The following PRKG1 variants were observed in gnomAD, a reference collection of about 807,000 sequenced individuals.
PRKG1 encodes cGMP-dependent protein kinase 1.
PRKG1 carries 35 observed loss-of-function variants against 88.1 expected under a neutral mutation model. That is an observed-to-expected ratio of 0.40 (90% CI 0.30 to 0.53). The LOEUF is 0.53. Among genes scored for constraint, PRKG1 ranks in the 20% least tolerant of loss-of-function variants. PRKG1 has a pLI of 0.59. For synonymous variants in PRKG1, 303 were observed against 292.5 expected (o/e 1.04, Z -0.37); for missense variants, 540 against 839.8 (o/e 0.64, Z 4.41).
chr10:51,595,798 C>T (rs1192399263), intron 3 of PRKG1, among the ~76,000 whole-genome samples: 1 of 152,016 alleles, frequency 6.6e-6, no homozygotes, highest in Admixed American at 6.6e-5. Flanking sequence ...CATGGTAATA[C>T]ATACTTTTAC....
At chr10:51,792,974 T>C (rs1838907186) in intron 3 of PRKG1, among the ~76,000 whole-genome samples, 1 of 151,860 alleles carries the variant, frequency 6.6e-6, no homozygotes, top group African/African-American at 2.4e-5. Context: ...TCTTCTAATG[T>C]CCAGACATTG....
At position 51,507,651 on chromosome 10, in the gene PRKG1, A is replaced by AT. The variant is rs1191422577; in HGVS notation, c.592+39816dup. ...TAAGGAGGTAATCCTTCTGCGGGTC[A>AT]TGAGTGACCTGGTTGAGAGAAAAGA... On this transcript the variant is annotated intron_variant, in intron 3 of 17. Coordinates refer to ENST00000373980, the MANE Select transcript of PRKG1 (RefSeq NM_006258.4). Among the ~76,000 whole-genome samples, 22 of 152,250 alleles carry AT rather than the reference A, an allele frequency of 1.4e-4. No homozygotes were observed. The South Asian group carries it at 4.6e-3, about 32-fold the overall frequency.
chr10:51,933,997 T>C (rs1842750352), intron 5 of PRKG1, among the ~76,000 whole-genome samples: 1 of 152,108 alleles, frequency 6.6e-6, no homozygotes, highest in African/African-American at 2.4e-5. Context: ...TTGTTTTGAG[T>C]GAGCAGATTA....
chr10:51,733,938 GA>G (rs1297338242), intron 3 of PRKG1, among the ~76,000 whole-genome samples: 1 of 151,916 alleles, frequency 6.6e-6, no homozygotes, highest in Admixed American at 6.6e-5. Context: ...TTATTATTAG[GA>G]AAAAACTCCA....
intron 8 of PRKG1, among the ~76,000 whole-genome samples, chr10:52,154,600 T>C (rs1312982944): frequency 6.6e-6 from 1 of 152,192 alleles, no homozygotes; most frequent in Non-Finnish European, 1.5e-5. Context: ...AAACACTTCT[T>C]TTTAAAACAG....
chr10:52,037,801 C>T (rs1238558987), intron 5 of PRKG1, among the ~76,000 whole-genome samples: 1 of 151,906 alleles, frequency 6.6e-6, no homozygotes, highest in South Asian at 2.1e-4. Flanking sequence ...GGACCTAGCT[C>T]GGCCTGGCGA....
chr10:51,709,078 A>G (rs1175604046), intron 3 of PRKG1, among the ~76,000 whole-genome samples: 1 of 152,216 alleles, frequency 6.6e-6, no homozygotes, highest in Non-Finnish European at 1.5e-5. Flanking sequence ...CCTCTAAATC[A>G]TTCTCTCAAT....
chr10:52,046,658 G>A (rs1195265830), intron 5 of PRKG1: 1 of 152,198 alleles, frequency 6.6e-6, no homozygotes, highest in South Asian at 2.1e-4. Flanking sequence ...TCCAGAGCTG[G>A]ATTTGTAACC....
At chr10:51,895,232 G>C (rs1250739584) in intron 4 of PRKG1, among the ~76,000 whole-genome samples, 1 of 152,166 alleles carries the variant, frequency 6.6e-6, no homozygotes, top group Non-Finnish European at 1.5e-5. Context: ...TTCTTAGCAA[G>C]AGCAGGACAG....
intron 5 of PRKG1, among the ~76,000 whole-genome samples, chr10:51,948,524 CTG>C (rs376853403): frequency 0.13 from 18,929 of 149,296 alleles, 1,351 homozygotes; most frequent in East Asian, 0.33. Context: ...GTGTGTGTCT[CTG>C]TGTGTGTGTG....
chr10:51,908,734 A>ATATATATATTT (rs563212069), intron 5 of PRKG1: 26 of 52,224 alleles, frequency 5.0e-4, no homozygotes, highest in African/African-American at 7.5e-4. Flanking sequence ...TCTATATGTA[A>ATATATATATTT]TTTTTTTTTT....
At chr10:52,199,484 A>G (rs1300931379) in intron 9 of PRKG1, among the ~76,000 whole-genome samples, 2 of 152,204 alleles carry the variant, frequency 1.3e-5, no homozygotes, top group Non-Finnish European at 2.9e-5. Context: ...TACCCATGGA[A>G]TAACTGTGTT....
chr10:52,067,563 T>A (rs576658953), intron 7 of PRKG1, among the ~76,000 whole-genome samples: 52 of 152,290 alleles, frequency 3.4e-4, no homozygotes, highest in African/African-American at 1.1e-3. Context: ...TATTTTCTTG[T>A]TGGATGGAGA....
intron 2 of PRKG1, among the ~76,000 whole-genome samples, chr10:51,246,240 A>G (rs1839285793): frequency 6.6e-6 from 1 of 152,128 alleles, no homozygotes; most frequent in Admixed American, 6.6e-5. Context: ...ATCAACATTT[A>G]TAAACGAGTC....
At chr10:51,106,134 A>G (rs1844826847) in intron 1 of PRKG1, among the ~76,000 whole-genome samples, 1 of 152,210 alleles carries the variant, frequency 6.6e-6, no homozygotes, top group African/African-American at 2.4e-5. Flanking sequence ...GAAAGTTAAT[A>G]CTGAATTTTG....
At chr10:51,326,833 T>C (rs1414062928) in intron 2 of PRKG1, among the ~76,000 whole-genome samples, 1 of 152,234 alleles carries the variant, frequency 6.6e-6, no homozygotes, top group African/African-American at 2.4e-5. Context: ...ATCTTGACTT[T>C]TTTCATTAGG....
intron 3 of PRKG1, among the ~76,000 whole-genome samples, chr10:51,480,172 G>C (rs10508941): frequency 0.42 from 64,093 of 151,788 alleles, 15,371 homozygotes; most frequent in East Asian, 0.9. Context: ...CCTATAAACT[G>C]ATTCTCAATT....
At chr10:51,239,111 G>A (rs1481373009) in intron 2 of PRKG1, among the ~76,000 whole-genome samples, 3 of 152,026 alleles carry the variant, frequency 2.0e-5, no homozygotes, top group Non-Finnish European at 2.9e-5. Flanking sequence ...ATTGGAGTTC[G>A]GACAGCTGCT....
intron 8 of PRKG1, among the ~76,000 whole-genome samples, chr10:52,160,233 G>A (rs72803153): frequency 6.6e-6 from 1 of 151,904 alleles, no homozygotes; most frequent in Non-Finnish European, 1.5e-5. Context: ...CTATGGGAAA[G>A]TGGGAAATTT....
Sources: allele counts gnomAD v4.1 joint callset (sites outside exome capture counted in the v4.1 genomes callset), GRCh38; gene constraint gnomAD v4.1.1; transcripts MANE v1.5; gene names NCBI Gene and HGNC (gene_info 2026-07-23, HGNC 2026-07-21).